Variants in FOXN3 observed in about 807,000 individuals in gnomAD.
FOXN3 encodes the protein forkhead box N3, also known as forkhead box protein N3.
FOXN3 carries 7 observed loss-of-function variants against 38.4 expected under a neutral mutation model. The ratio of observed to expected loss-of-function variants is 0.18; its 90% CI spans 0.10 to 0.34. The LOEUF (loss-of-function observed/expected upper bound fraction) is 0.34. FOXN3 is among the 10% of genes least tolerant of loss of function. The probability of loss-of-function intolerance (pLI) is 1.00; values close to 1 mark genes in which losing one functional copy is unlikely to be tolerated. For missense variants in FOXN3, 456 were observed against 613.4 expected, an observed-to-expected ratio of 0.74 and a Z score of 2.71; for synonymous variants, 230 against 242.2, an observed-to-expected ratio of 0.95 and a Z score of 0.47.
At chr14:89,415,966 T>C (rs1440593723) in intron 1 of FOXN3, among the ~76,000 whole-genome samples, 1 of 152,052 alleles carries the variant, frequency 6.6e-6, no homozygotes, top group African/African-American at 2.4e-5. Context: ...GAAAGCTTAG[T>C]TTCTCGCCTA....
intron 3 of FOXN3, chr14:89,290,883 T>C: frequency 3.5e-6 from 1 of 287,858 alleles, no homozygotes; most frequent in Non-Finnish European, 6.8e-6. Flanking sequence ...GTCTTCATTC[T>C]CAAAAAGTGG....
At chr14:89,497,568 G>A (rs1428825072) in intron 1 of FOXN3, among the ~76,000 whole-genome samples, 3 of 151,556 alleles carry the variant, frequency 2.0e-5, no homozygotes, top group Non-Finnish European at 2.9e-5. Flanking sequence ...CACCATGCCC[G>A]GCTAATTTTG....
intron 1 of FOXN3, among the ~76,000 whole-genome samples, chr14:89,592,803 G>A (rs1047424116): frequency 2.0e-5 from 3 of 152,088 alleles, no homozygotes; most frequent in Admixed American, 1.3e-4. Context: ...CAGGAAATGA[G>A]AACAATATAG....
chr14:89,484,608 G>A lies in FOXN3; in HGVS notation c.-14-72118C>T, dbSNP rs1893408063. On this transcript the variant is annotated intron_variant, in intron 1 of 6. Transcript: ENST00000345097. This position sits in a 1 kb window ranked among gnomAD's most constrained non-coding sequence, Gnocchi z 4.0. ...GCCGACTGTGGTTTACCAACCCCTG[G>A]CCTGGGCTTAGGAGGGGTGGCAACA... 6.6e-6 allele frequency among the ~76,000 whole-genome samples: 1 copy of A among 152,356 alleles called. No homozygotes were observed. The highest frequency in any genetic ancestry group is 2.4e-5 in the African/African-American group (1 of 41,586).
intron 1 of FOXN3, among the ~76,000 whole-genome samples, chr14:89,500,205 C>T (rs1893767977): frequency 6.6e-6 from 1 of 152,176 alleles, no homozygotes; most frequent in South Asian, 2.1e-4. Context: ...TTCAGTAGAA[C>T]TCAGCTTGCC....
intron 4 of FOXN3, among the ~76,000 whole-genome samples, chr14:89,212,081 A>G (rs2139832355): frequency 6.6e-6 from 1 of 152,328 alleles, no homozygotes; most frequent in East Asian, 1.9e-4. Flanking sequence ...GCCAGACGTG[A>G]AAGTCTGTAC....
chr14:89,316,987 C>T (rs1272153571), intron 3 of FOXN3, among the ~76,000 whole-genome samples: 2 of 152,042 alleles, frequency 1.3e-5, no homozygotes, highest in Non-Finnish European at 2.9e-5. Context: ...TCTTTTAAGC[C>T]ATTAATTTGA....
intron 1 of FOXN3, among the ~76,000 whole-genome samples, chr14:89,564,439 T>C (rs1052580294): frequency 1.3e-5 from 2 of 152,214 alleles, no homozygotes; most frequent in African/African-American, 4.8e-5. Context: ...TTGACTCACA[T>C]GCCCTCCTTC....
chr14:89,508,613 C>T (rs778628975), intron 1 of FOXN3, among the ~76,000 whole-genome samples: 3 of 152,166 alleles, frequency 2.0e-5, no homozygotes, highest in Non-Finnish European at 4.4e-5. Flanking sequence ...AAACTGAGGC[C>T]AGCAGGCAAT....
At chr14:89,557,042 G>A (rs1355161092) in intron 1 of FOXN3, among the ~76,000 whole-genome samples, 3 of 152,166 alleles carry the variant, frequency 2.0e-5, no homozygotes, top group African/African-American at 4.8e-5. Flanking sequence ...TTTAGTTATC[G>A]AAGCTGTGGT....
chr14:89,342,163 G>A (rs528794561), intron 3 of FOXN3, among the ~76,000 whole-genome samples: 1 of 152,162 alleles, frequency 6.6e-6, no homozygotes, highest in Non-Finnish European at 1.5e-5. Context: ...AGATAAAAAG[G>A]TAACTCGGAG....
At chr14:89,247,418 G>A (rs1402232922) in intron 4 of FOXN3, among the ~76,000 whole-genome samples, 2 of 152,196 alleles carry the variant, frequency 1.3e-5, no homozygotes, top group Admixed American at 6.5e-5. Context: ...GGCCAGGGAA[G>A]TATTAGTAGA....
intron 2 of FOXN3, among the ~76,000 whole-genome samples, chr14:89,385,364 G>A (rs1361270845): frequency 6.6e-6 from 1 of 151,998 alleles, no homozygotes; most frequent in Non-Finnish European, 1.5e-5. Context: ...ATGCCACATG[G>A]CCCATCTTTT....
intron 1 of FOXN3, among the ~76,000 whole-genome samples, chr14:89,500,538 G>T (rs1297370629): frequency 6.6e-6 from 1 of 152,190 alleles, no homozygotes; most frequent in Non-Finnish European, 1.5e-5. Context: ...GAACAGACCT[G>T]CCTTTAAGGC....
chr14:89,200,759 G>A (rs577550753), intron 4 of FOXN3, among the ~76,000 whole-genome samples: 1 of 152,332 alleles, frequency 6.6e-6, no homozygotes, highest in Admixed American at 6.5e-5. Context: ...ATCACCTCCA[G>A]CCCTTTGACA....
At chr14:89,288,720 CTCTCTATATATATATATATATA>C (rs1566947694) in intron 3 of FOXN3, among the ~76,000 whole-genome samples, 113 of 37,338 alleles carry the variant, frequency 3.0e-3, no homozygotes, top group Admixed American at 6.6e-3. Flanking sequence ...CTCTCTCTCT[CTCTCTATATATATATATATATA>C]TATATATATA....
chr14:89,387,917 T>C (rs116344668), intron 2 of FOXN3, among the ~76,000 whole-genome samples: 3,657 of 152,308 alleles, frequency 0.024, 167 homozygotes, highest in African/African-American at 0.083. Context: ...GCACAGTGGC[T>C]CATGCCTGTA....
intron 3 of FOXN3, among the ~76,000 whole-genome samples, chr14:89,335,077 T>TCTCACACACACA (rs1404371582): frequency 1.2e-4 from 17 of 139,436 alleles, no homozygotes; most frequent in African/African-American, 4.2e-4. Flanking sequence ...TATTTTCATA[T>TCTCACACACACA]CACACACACA....
intron 3 of FOXN3, among the ~76,000 whole-genome samples, chr14:89,347,338 G>T (rs1888791421): frequency 6.6e-6 from 1 of 152,202 alleles, no homozygotes; most frequent in Admixed American, 6.5e-5. Flanking sequence ...GGTGAAGGCA[G>T]AAATCAGAGT....
Sources: gnomAD v4.1 joint callset for allele counts (sites outside exome capture counted in the v4.1 genomes callset) on GRCh38, gnomAD v4.1.1 for gene constraint, Gnocchi (gnomAD v3.1) non-coding constraint, MANE v1.5 for transcripts, NCBI Gene and HGNC (gene_info 2026-07-23, HGNC 2026-07-21) for gene names.